The following MYO7B variants were observed in gnomAD, a reference collection of about 807,000 sequenced individuals.
MYO7B encodes the protein unconventional myosin-VIIb.
MYO7B carries 212 observed loss-of-function variants against 259.7 expected under a neutral mutation model. That is an observed-to-expected ratio of 0.82 (90% CI 0.73 to 0.91). The LOEUF is 0.91. Among genes scored for constraint, MYO7B ranks in the 40% least tolerant of loss-of-function variants. The pLI is 0.00. For missense variants in MYO7B, 2,732 were observed against 2,813.5 expected, an observed-to-expected ratio of 0.97 and a Z score of 0.66; for synonymous variants, 1,197 against 1,166.4, an observed-to-expected ratio of 1.03 and a Z score of -0.54.
Position 127,564,228 on chromosome 2 carries a change from A to G in MYO7B, c.94A>G (p.Lys32Glu). The change falls in exon 3 of 48, where the codon AAG (lysine) becomes GAG (glutamate). Residue 32 changes from lysine (K) to glutamate (E), a missense_variant. Physicochemically the swap from Lys to Glu is moderately conservative, Grantham distance 56. Transcript: ENST00000409816. ...CATCGGGGGCATCATCAAAGAGGCA[A>G]AGCCAGGCAAAGTCTTGGTTGAAGA... ...VAIGGIIKEA[K>E]PGKVLVEDDE... The G allele has an allele frequency of 6.3e-7, 1 of 1,580,366 alleles. No individual in the cohort carries two copies. The highest frequency in any genetic ancestry group is 1.2e-5 in the South Asian group (1 of 86,066).
At chr2:127,579,937 A>G (rs4611601) in intron 9 of MYO7B, among the ~76,000 whole-genome samples, 66,209 of 151,922 alleles carry the variant, frequency 0.44, 14,967 homozygotes, top group South Asian at 0.69. Context: ...TAGGGACTCT[A>G]TGTAGGGAAT....
At chr2:127,606,964 T>C (rs1680174061) in intron 20 of MYO7B, among the ~76,000 whole-genome samples, 2 of 152,260 alleles carry the variant, frequency 1.3e-5, no homozygotes, top group Non-Finnish European at 2.9e-5. Flanking sequence ...CACTTTATTA[T>C]TTATGCTATT....
At position 127,576,800 on chromosome 2, in the gene MYO7B, C is replaced by A; in HGVS notation, c.849+92C>A. The A allele has an allele frequency of 1.1e-6, 1 of 905,252 alleles. No homozygotes were observed. The highest frequency in any genetic ancestry group is 1.7e-6 in the Non-Finnish European group (1 of 602,484). 56.1% of individuals were successfully genotyped at this position (905,252 alleles called of 1,614,324 possible). A position where few individuals can be genotyped will look rare whatever the true frequency, so the allele number is the denominator to read the frequency against. On this transcript the variant is annotated intron_variant, in intron 8 of 47. Coordinates refer to ENST00000409816, the MANE Select transcript of MYO7B (RefSeq NM_001393586.1). This position sits in a 1 kb window ranked among gnomAD's most constrained non-coding sequence, Gnocchi z 4.9. Reference sequence around the variant, plus strand: ...ACCCTCCGCGACAGCTGCAGAGAAGCCCAACGCTGGCCGGGCCCCTGAGGC... The same window carrying A: ...ACCCTCCGCGACAGCTGCAGAGAAGACCAACGCTGGCCGGGCCCCTGAGGC...
chr2:127,598,154 G>A (rs984549944), intron 19 of MYO7B, among the ~76,000 whole-genome samples: 6 of 152,168 alleles, frequency 3.9e-5, no homozygotes, highest in African/African-American at 7.2e-5. Flanking sequence ...GTCATACAAC[G>A]GTTACAAGTT....
chr2:127,616,080 G>A (rs1329776907), intron 26 of MYO7B, among the ~76,000 whole-genome samples: 5 of 152,346 alleles, frequency 3.3e-5, no homozygotes, highest in Non-Finnish European at 5.9e-5. Context: ...TGAAGCATCC[G>A]CTCCACAAGC....
chr2:127,579,325 TC>T lies in MYO7B; in HGVS notation c.1003+1040del, dbSNP rs200331369. On this transcript the variant is annotated intron_variant, in intron 9 of 47. Coordinates refer to ENST00000409816, the MANE Select transcript of MYO7B (RefSeq NM_001393586.1). Reference sequence around the variant, plus strand: ...AAGGGATAGACTTTTCATAAACTGTTCTAGAGCAATGGGGTGTCCATATAGA... The same window carrying T: ...AAGGGATAGACTTTTCATAAACTGTTTAGAGCAATGGGGTGTCCATATAGA... Among the ~76,000 whole-genome samples, 1,306 of 152,280 alleles carry T rather than the reference TC, an allele frequency of 8.6e-3. 14 individuals carry two copies. The Middle Eastern group carries it at 0.088, about 10-fold the overall frequency.
intron 6 of MYO7B, among the ~76,000 whole-genome samples, chr2:127,573,586 G>C (rs1394189731): frequency 6.6e-6 from 1 of 152,206 alleles, no homozygotes; most frequent in African/African-American, 2.4e-5. Flanking sequence ...GATTGCCCAA[G>C]TTCTGAGCCC....
intron 6 of MYO7B, among the ~76,000 whole-genome samples, chr2:127,570,913 C>T (rs938902471): frequency 1.3e-5 from 2 of 152,138 alleles, no homozygotes; most frequent in African/African-American, 4.8e-5. Context: ...TTGTTGCTGC[C>T]TGCATCAGTG....
rs1425632858 is a variant in MYO7B at position 127,611,140 on chromosome 2, G to A, written c.3193-1110G>A. On this transcript the variant is annotated intron_variant, in intron 24 of 47. Transcript: ENST00000409816. The surrounding 1 kb of genome is among the most constrained non-coding windows in gnomAD (Gnocchi z 5.4). The stretch of plus-strand genomic sequence containing the variant: ...TCACTCACATGGCTGTTGGTGGGAG[G>A]CCTCAGTTCCTTGTCATGTGGGCCT... 6.6e-6 allele frequency among the ~76,000 whole-genome samples: 1 copy of A among 152,230 alleles called. No individual in the cohort carries two copies. Among genetic ancestry groups the A allele is most frequent in the Non-Finnish European group, 1.5e-5 (1 of 68,040 alleles).
At chr2:127,561,338 A>G (rs1267617337) in intron 2 of MYO7B, among the ~76,000 whole-genome samples, 4 of 151,886 alleles carry the variant, frequency 2.6e-5, no homozygotes, top group Non-Finnish European at 5.9e-5. Flanking sequence ...GGCTCACTGC[A>G]ACCTCGGCCT....
intron 4 of MYO7B, among the ~76,000 whole-genome samples, chr2:127,565,599 A>C (rs1284120447): frequency 6.6e-6 from 1 of 152,234 alleles, no homozygotes; most frequent in African/African-American, 2.4e-5. Context: ...GCGTAGAGTG[A>C]CAGCACAGTG....
rs1266662677 is a variant in MYO7B, at chr2:127,593,557, G to C, written c.2157G>C (p.Lys719Asn). The C allele has an allele frequency of 4.3e-6, 7 of 1,613,200 alleles. No homozygotes were observed. The highest frequency in any genetic ancestry group is 5.1e-6 in the Non-Finnish European group (6 of 1,179,550). Residue 719 changes from lysine to asparagine, a missense_variant, in exon 18 of 48, where the codon AAG (lysine) becomes AAC (asparagine). This residue lies in a region of MYO7B where 1,906 missense variants were observed against 2,026.4 expected (regional missense o/e 0.94). Coordinates refer to ENST00000409816, the MANE Select transcript of MYO7B (RefSeq NM_001393586.1). ...PNAMRMQLQG[K>N]LRQMTLGITD... Reference sequence around the variant, plus strand: ...TTTGGTCTTGGCAGCTGCAAGGCAAGCTCCGCCAGATGACCCTGGGCATCA... The same window carrying C: ...TTTGGTCTTGGCAGCTGCAAGGCAACCTCCGCCAGATGACCCTGGGCATCA...
At chr2:127,589,632 G>C (rs1679470746) in intron 15 of MYO7B, among the ~76,000 whole-genome samples, 1 of 138,678 alleles carries the variant, frequency 7.2e-6, no homozygotes. Context: ...ATGGATGAGT[G>C]GGTGCATGGG....
chr2:127,608,952 C>A, intron 22 of MYO7B, 74 bp downstream of exon 22: 1 of 1,518,390 alleles, frequency 6.6e-7, no homozygotes, highest in Non-Finnish European at 8.9e-7. Context: ...GAACTCAGTC[C>A]ACCTCTCGGC....
rs1214818466 is a variant in MYO7B at position 127,628,060 on chromosome 2, C to A, written c.4461-312C>A. On this transcript the variant is annotated intron_variant, in intron 33 of 47. Coordinates refer to ENST00000409816, the MANE Select transcript of MYO7B (RefSeq NM_001393586.1). The surrounding 1 kb of genome is among the most constrained non-coding windows in gnomAD (Gnocchi z 4.8). Reference sequence around the variant, plus strand: ...GGCTCAGAGTAAGCACATGGCAGAGCCGGCAGCTCATCTCAGCTCTGACCT... The same window carrying A: ...GGCTCAGAGTAAGCACATGGCAGAGACGGCAGCTCATCTCAGCTCTGACCT... The A allele has an allele frequency of 1.8e-6, 1 of 560,850 alleles. No homozygotes were observed. Among genetic ancestry groups the A allele is most frequent in the Non-Finnish European group, 3.4e-6 (1 of 294,684 alleles). 34.7% of individuals were successfully genotyped at this position (560,850 alleles called of 1,614,324 possible).
chr2:127,609,554 G>A lies in MYO7B; in HGVS notation c.2863G>A (p.Val955Ile). ...GCTGCTTGAGGTTGACCTGGACACA[G>A]TCCCCATGGCGGAGGAGCCTGAGGA... ...QKLLEVDLDTVPMAEEPEEDV... is the reference protein window; with the variant it reads ...QKLLEVDLDTIPMAEEPEEDV... The change falls in exon 23 of 48, where the codon GTC becomes ATC. Residue 955 changes from valine (V) to isoleucine (I), a missense_variant. This residue lies in a region of MYO7B where 1,906 missense variants were observed against 2,026.4 expected (regional missense o/e 0.94). Transcript: ENST00000409816. The surrounding 1 kb of genome is among the most constrained non-coding windows in gnomAD (Gnocchi z 6.9). 1 of 1,613,954 alleles carries A rather than the reference G, an allele frequency of 6.2e-7. No homozygotes were observed. Among genetic ancestry groups the A allele is most frequent in the African/African-American group, 1.3e-5 (1 of 75,060 alleles).
At chr2:127,625,310 GGAAGGGGGGAGCT>G (rs1183460961) in intron 30 of MYO7B, 45 bp from the exon 31 acceptor site, 3 of 1,441,816 alleles carry the variant, frequency 2.1e-6, no homozygotes, top group East Asian at 5.4e-5. Flanking sequence ...GGCATCCTGG[GGAAGGGGGGAGCT>G]CTCACTTGTC....
intron 6 of MYO7B, among the ~76,000 whole-genome samples, chr2:127,570,806 C>G (rs1300913141): frequency 1.3e-5 from 2 of 152,044 alleles, no homozygotes; most frequent in Admixed American, 6.6e-5. Context: ...CCCCCGCCCC[C>G]CTTCACAGTT....
At chr2:127,633,600 G>A (rs1043359189) in intron 40 of MYO7B, among the ~76,000 whole-genome samples, 3 of 152,218 alleles carry the variant, frequency 2.0e-5, no homozygotes, top group Non-Finnish European at 4.4e-5. Context: ...CAGGACACAG[G>A]AGAGGACAGA....
Sources: allele counts gnomAD v4.1 joint callset (sites outside exome capture counted in the v4.1 genomes callset), GRCh38; gene constraint gnomAD v4.1.1; regional missense constraint gnomAD v4.1.1; non-coding constraint Gnocchi (gnomAD v3.1); transcripts MANE v1.5; gene names NCBI Gene and HGNC (gene_info 2026-07-23, HGNC 2026-07-21).